EFCAB11: variants seen among roughly 807,000 people sequenced by gnomAD.
EFCAB11 encodes EF-hand calcium-binding domain-containing protein 11.
A neutral mutation model predicts 23.0 loss-of-function variants in EFCAB11; 14 were observed. The ratio of observed to expected loss-of-function variants is 0.61; its 90% CI spans 0.40 to 0.95. EFCAB11 has a LOEUF of 0.95. Ranked by LOEUF, EFCAB11 falls within the 40% of genes least tolerant of loss-of-function variation. The pLI is 0.00. For synonymous variants in EFCAB11, 65 were observed against 66.6 expected, an observed-to-expected ratio of 0.98 and a Z score of 0.11; for missense variants, 198 against 195.8, an observed-to-expected ratio of 1.01 and a Z score of -0.07.
At chr14:89,804,341 G>A (rs567067493) in intron 5 of EFCAB11, among the ~76,000 whole-genome samples, 4 of 152,320 alleles carry the variant, frequency 2.6e-5, no homozygotes, top group South Asian at 4.1e-4. Context: ...GCCTGTGCAC[G>A]AATTATTGAA....
intron 5 of EFCAB11, among the ~76,000 whole-genome samples, chr14:89,877,675 A>C (rs1238932365): frequency 1.3e-5 from 2 of 152,176 alleles, no homozygotes; most frequent in African/African-American, 4.8e-5. Flanking sequence ...ATGGTGTCTC[A>C]GATTTACTAA....
intron 5 of EFCAB11, among the ~76,000 whole-genome samples, chr14:89,928,139 G>A (rs997172647): frequency 2.6e-5 from 4 of 152,038 alleles, no homozygotes; most frequent in South Asian, 2.1e-4. Context: ...TGTTACAGTG[G>A]TTTCCAAACT....
chr14:89,824,152 G>C (rs981662924), intron 5 of EFCAB11, among the ~76,000 whole-genome samples: 21 of 152,034 alleles, frequency 1.4e-4, no homozygotes, highest in African/African-American at 4.8e-4. Context: ...CTGAAAACTG[G>C]CAATAAAGAC....
At chr14:89,816,938 A>T (rs2140096877) in intron 5 of EFCAB11, among the ~76,000 whole-genome samples, 1 of 152,266 alleles carries the variant, frequency 6.6e-6, no homozygotes, top group South Asian at 2.1e-4. Flanking sequence ...GATTTCTCTT[A>T]TAACAAGGAA....
chr14:89,922,773 G>C (rs1890061532), intron 5 of EFCAB11, among the ~76,000 whole-genome samples: 1 of 152,086 alleles, frequency 6.6e-6, no homozygotes, highest in African/African-American at 2.4e-5. Context: ...TCTGACACTG[G>C]AAATAACACA....
At chr14:89,937,253 T>A (rs1890618652) in intron 3 of EFCAB11, among the ~76,000 whole-genome samples, 1 of 152,158 alleles carries the variant, frequency 6.6e-6, no homozygotes, top group Non-Finnish European at 1.5e-5. Context: ...CTTCTTTATA[T>A]GAAAATGGAA....
At chr14:89,814,430 A>G (rs1886258626) in intron 5 of EFCAB11, among the ~76,000 whole-genome samples, 1 of 152,000 alleles carries the variant, frequency 6.6e-6, no homozygotes, top group Non-Finnish European at 1.5e-5. Flanking sequence ...GCAGGCCGGG[A>G]GCAGTGGCTC....
chr14:89,852,279 G>A (rs181043962), intron 5 of EFCAB11, among the ~76,000 whole-genome samples: 71 of 152,336 alleles, frequency 4.7e-4, no homozygotes, highest in African/African-American at 1.5e-3. Flanking sequence ...ATCTTTAAAA[G>A]TCTGTTATAA....
intron 5 of EFCAB11, among the ~76,000 whole-genome samples, chr14:89,872,612 G>A (rs777709934): frequency 6.6e-6 from 1 of 152,142 alleles, no homozygotes; most frequent in African/African-American, 2.4e-5. Flanking sequence ...CAGGTAGTAC[G>A]GGCTGAATTG....
At chr14:89,909,789 G>C (rs752104722) in intron 5 of EFCAB11, among the ~76,000 whole-genome samples, 2 of 152,108 alleles carry the variant, frequency 1.3e-5, no homozygotes, top group Non-Finnish European at 2.9e-5. Context: ...CTAACTATGC[G>C]TAACAACTCT....
intron 5 of EFCAB11, among the ~76,000 whole-genome samples, chr14:89,907,189 GAAGA>G (rs773134701): frequency 6.6e-6 from 1 of 152,192 alleles, no homozygotes; most frequent in Non-Finnish European, 1.5e-5. Flanking sequence ...CCATGATGGA[GAAGA>G]AAGAGTTACA....
chr14:89,911,629 C>T (rs1889679633), intron 5 of EFCAB11, among the ~76,000 whole-genome samples: 1 of 152,228 alleles, frequency 6.6e-6, no homozygotes, highest in African/African-American at 2.4e-5. Flanking sequence ...ATCCTAGTAT[C>T]CACAGTCTTG....
At chr14:89,947,130 T>C (rs1274719472) in intron 3 of EFCAB11, among the ~76,000 whole-genome samples, 13 of 152,214 alleles carry the variant, frequency 8.5e-5, no homozygotes. Flanking sequence ...AGAAGGAAGA[T>C]GGTGTAAAAT....
intron 5 of EFCAB11, among the ~76,000 whole-genome samples, chr14:89,853,948 A>T (rs1887671667): frequency 1.3e-5 from 2 of 152,256 alleles, no homozygotes; most frequent in Non-Finnish European, 2.9e-5. Context: ...TACAAATGAA[A>T]AAATGGAAAG....
rs1306350609 is a variant in EFCAB11 at position 89,921,073 on chromosome 14, AAAAGAAAAGAAAG to A, written c.410+10455_410+10467del. Reference sequence around the variant, plus strand: ...AAGTGAGACTCTGTCTAAAAAAAAAAAAAGAAAAGAAAGAAAGAAAAGAAAGGCTACATAGAAG... The same window carrying A: ...AAGTGAGACTCTGTCTAAAAAAAAAAAAAGAAAAGAAAGGCTACATAGAAG... On this transcript the variant is annotated intron_variant, in intron 5 of 5. Coordinates refer to ENST00000316738, the MANE Select transcript of EFCAB11 (RefSeq NM_145231.4). Among the ~76,000 whole-genome samples the A allele has an allele frequency of 9.9e-4, 121 of 121,700 alleles. No homozygotes were observed. In the Middle Eastern group the frequency reaches 0.015, roughly 15 times the overall value. The allele number at this position is 121,700 out of a possible 152,430, so 79.8% of individuals were successfully genotyped here.
rs1890423247 is a variant in EFCAB11 at position 89,932,470 on chromosome 14, T to A, written c.319+56A>T. 3 of 1,357,974 alleles carry A rather than the reference T, an allele frequency of 2.2e-6. No individual in the cohort carries two copies. The Admixed American group carries it at 5.5e-5, about 25-fold the overall frequency. The allele number at this position is 1,357,974 out of a possible 1,614,324, so 84.1% of individuals were successfully genotyped here. On this transcript the variant is annotated intron_variant, in intron 4 of 5. Coordinates refer to ENST00000316738, the MANE Select transcript of EFCAB11 (RefSeq NM_145231.4). ...TTGATTTACTGGGTATATAATCCTA[T>A]TTGCAATCCCTTAAAAGTAATTTTT...
intron 5 of EFCAB11, among the ~76,000 whole-genome samples, chr14:89,908,434 C>A (rs897692400): frequency 6.6e-6 from 1 of 152,180 alleles, no homozygotes; most frequent in East Asian, 1.9e-4. Flanking sequence ...CAATATTACA[C>A]CACGAGTGGA....
intron 5 of EFCAB11, chr14:89,924,535 G>A (rs1247856763): frequency 1.3e-6 from 2 of 1,492,730 alleles, no homozygotes; most frequent in African/African-American, 1.4e-5. Context: ...AAGGTTCCTA[G>A]GCATGGAGAA....
chr14:89,888,718 G>A (rs1888868270), intron 5 of EFCAB11, among the ~76,000 whole-genome samples: 1 of 152,210 alleles, frequency 6.6e-6, no homozygotes, highest in South Asian at 2.1e-4. Flanking sequence ...GGTACCATCT[G>A]TGAACCAGAA....
Sources: allele counts gnomAD v4.1 joint callset (sites outside exome capture counted in the v4.1 genomes callset), GRCh38; gene constraint gnomAD v4.1.1; transcripts MANE v1.5; gene names NCBI Gene and HGNC (gene_info 2026-07-23, HGNC 2026-07-21).